Variants in EMC1 observed in about 807,000 individuals in gnomAD.
EMC1 encodes the protein KIAA0090.
EMC1 carries 103 observed loss-of-function variants against 128.8 expected under a neutral mutation model. The ratio of observed to expected loss-of-function variants is 0.80; its 90% CI spans 0.68 to 0.94. The LOEUF is 0.94. Ranked by LOEUF, EMC1 falls within the 40% of genes least tolerant of loss-of-function variation. The pLI, the probability that EMC1 is intolerant of heterozygous loss-of-function variation, is 0.00. For synonymous variants in EMC1, 442 were observed against 490.4 expected, an observed-to-expected ratio of 0.90 and a Z score of 1.30; for missense variants, 1,083 against 1,250.6, an observed-to-expected ratio of 0.87 and a Z score of 2.02.
intron 5 of EMC1, among the ~76,000 whole-genome samples, chr1:19,242,091 T>C (rs1002111343): frequency 4.6e-5 from 7 of 152,076 alleles, no homozygotes; most frequent in African/African-American, 1.7e-4. Flanking sequence ...AGCGAGTGAG[T>C]GGCTCCCGTA....
chr1:19,245,956 G>A (rs531362140), intron 1 of EMC1, among the ~76,000 whole-genome samples: 1 of 152,022 alleles, frequency 6.6e-6, no homozygotes, highest in East Asian at 2.0e-4. Flanking sequence ...ACAGCACAGA[G>A]CAAGCACCTC....
rs552963271 is a variant in EMC1 at position 19,224,672 on chromosome 1, A to C, written c.2203-1103T>G. Among the ~76,000 whole-genome samples the C allele has an allele frequency of 5.3e-5, 8 of 152,194 alleles. No individual in the cohort carries two copies. In the South Asian group the frequency reaches 1.2e-3, roughly 24 times the overall value. Reference sequence around the variant, plus strand: ...TTTCCTCCTCACCCCTCTACAGTCTAATCTAGGTCAAATGAGCCTGTGGAA... The same window carrying C: ...TTTCCTCCTCACCCCTCTACAGTCTCATCTAGGTCAAATGAGCCTGTGGAA... On this transcript the variant is annotated intron_variant, in intron 18 of 22. Coordinates refer to ENST00000477853, the MANE Select transcript of EMC1 (RefSeq NM_015047.3).
rs961077360 is a variant in EMC1, at chr1:19,251,336, G to A, written c.95+79C>T. On this transcript the variant is annotated intron_variant, in intron 1 of 22. Coordinates refer to ENST00000477853, the MANE Select transcript of EMC1 (RefSeq NM_015047.3). ...CAAATTATGCGGCCAATCCTGTTAA[G>A]TGACAACCTTTAGCAGGTAGGAGAC... The A allele has an allele frequency of 2.4e-5, 32 of 1,333,506 alleles. No homozygotes were observed. The African/African-American group carries it at 3.9e-4, about 16-fold the overall frequency. 82.6% of individuals were successfully genotyped at this position (1,333,506 alleles called of 1,614,324 possible).
In EMC1 at chr1:19,245,001, A is replaced by G; in HGVS notation, c.125T>C (p.Phe42Ser). The G allele has an allele frequency of 6.2e-7, 1 of 1,613,992 alleles. No individual in the cohort carries two copies. The highest frequency in any genetic ancestry group is 1.1e-5 in the South Asian group (1 of 91,076). The part of the protein sequence containing the change: ...WRQQYVGKVK[F>S]ASLEFSPGSK... ...TCCAGGGGAAAATTCCAAGGAGGCAAACTTGACCTTCCCAACATATTGCTG... is the reference window on the plus strand; with the variant it reads ...TCCAGGGGAAAATTCCAAGGAGGCAGACTTGACCTTCCCAACATATTGCTG... The change falls in exon 2 of 23, where the codon TTT (phenylalanine) becomes TCT (serine). Residue 42 changes from phenylalanine (F) to serine (S), a missense_variant. This residue lies in a region of EMC1 where 544 missense variants were observed against 572.4 expected (regional missense o/e 0.95). Transcript: ENST00000477853.
Position 19,231,318 on chromosome 1 carries a change from G to A in EMC1, c.1887C>T (p.Leu629=), listed in dbSNP as rs2151947855. Residue 629 remains leucine (L), a synonymous_variant, in exon 16 of 23, where the codon CTC becomes CTT. Transcript: ENST00000477853. ...TGGCGTAGTCTTGATCCATGACTGGGAGAAGCAAGGACTGCAAGATGGGGC... is the reference window on the plus strand; with the variant it reads ...TGGCGTAGTCTTGATCCATGACTGGAAGAAGCAAGGACTGCAAGATGGGGC... ...LKRPILQSLL[L]PVMDQDYAKV... 1 of 1,611,016 alleles carries A rather than the reference G, an allele frequency of 6.2e-7. No individual in the cohort carries two copies. Among genetic ancestry groups the A allele is most frequent in the Non-Finnish European group, 8.5e-7 (1 of 1,179,308 alleles).
intron 20 of EMC1, 51 bp downstream of exon 20, chr1:19,222,573 T>C (rs1457458517): frequency 6.6e-7 from 1 of 1,515,152 alleles, no homozygotes; most frequent in Non-Finnish European, 9.1e-7. Flanking sequence ...TGTCCTTAAG[T>C]GTGGTTGCCC....
chr1:19,243,803 A>G, intron 3 of EMC1, 96 bp from the exon 4 acceptor site: 2 of 1,437,082 alleles, frequency 1.4e-6, no homozygotes, highest in Non-Finnish European at 2.0e-6. Context: ...TGATTTCTGG[A>G]TGCAAATACA....
In EMC1 at chr1:19,239,949, G is replaced by A. The variant is rs149183157; in HGVS notation, c.823C>T (p.Arg275Trp). 46 of 1,613,318 alleles carry A rather than the reference G, an allele frequency of 2.9e-5. No individual in the cohort carries two copies. The Middle Eastern group carries it at 6.6e-4, about 23-fold the overall frequency. ...DLEFGSGFQP[R>W]VLPTQPNPVD... ...GGGTTGGGCTGGGTAGGCAGGACCC[G>A]GGGTTGGAATCCACTTCCAAATTCT... The change falls in exon 8 of 23, where the codon CGG becomes TGG. Residue 275 changes from arginine to tryptophan, a missense_variant. Arg to Trp is a moderately radical substitution (Grantham distance 101). This residue lies in a region of EMC1 where 544 missense variants were observed against 572.4 expected (regional missense o/e 0.95). Transcript: ENST00000477853.
At chr1:19,232,238 A>T (rs1189342325) in intron 15 of EMC1, among the ~76,000 whole-genome samples, 1 of 152,224 alleles carries the variant, frequency 6.6e-6, no homozygotes, top group African/African-American at 2.4e-5. Context: ...CCGTTCCAGG[A>T]AAGTGTCTAC....
At chr1:19,246,838 G>A (rs2093634070) in intron 1 of EMC1, among the ~76,000 whole-genome samples, 1 of 152,048 alleles carries the variant, frequency 6.6e-6, no homozygotes, top group South Asian at 2.1e-4. Context: ...TCACTCTTCT[G>A]GATTGAATTG....
intron 13 of EMC1, among the ~76,000 whole-genome samples, chr1:19,234,499 T>G (rs1457082209): frequency 6.6e-6 from 1 of 152,122 alleles, no homozygotes; most frequent in East Asian, 1.9e-4. Flanking sequence ...GAGTATAAGG[T>G]GCCTGGCAAA....
intron 21 of EMC1, chr1:19,219,966 C>T: frequency 2.3e-6 from 1 of 428,992 alleles, no homozygotes; most frequent in South Asian, 3.3e-5. Flanking sequence ...ACTGGCACTT[C>T]ACACCACAAG....
At chr1:19,226,820 C>G (rs2093477950) in intron 18 of EMC1, among the ~76,000 whole-genome samples, 1 of 152,020 alleles carries the variant, frequency 6.6e-6, no homozygotes, top group Non-Finnish European at 1.5e-5. Flanking sequence ...GTAATCCACC[C>G]ACCTCGACCT....
chr1:19,238,416 G>A (rs2093582390), intron 10 of EMC1, among the ~76,000 whole-genome samples: 1 of 152,186 alleles, frequency 6.6e-6, no homozygotes, highest in South Asian at 2.1e-4. Context: ...AGCAAGGTAA[G>A]ACTGAGCAAG....
At chr1:19,250,447 C>A (rs2093653414) in intron 1 of EMC1, among the ~76,000 whole-genome samples, 1 of 152,080 alleles carries the variant, frequency 6.6e-6, no homozygotes, top group Non-Finnish European at 1.5e-5. Context: ...GTGTAACATA[C>A]ACATATGACA....
Position 19,230,979 on chromosome 1 carries a change from G to C in EMC1, c.1945-16C>G. The C allele has an allele frequency of 1.2e-6, 2 of 1,613,236 alleles. No individual in the cohort carries two copies. Among genetic ancestry groups the C allele is most frequent in the Non-Finnish European group, 1.7e-6 (2 of 1,179,820 alleles). ...AAGCTGTGACCTTGAAAAACCCAGA[G>C]AGCCCAAGGAAAGAGTTAGGAAATT... On this transcript the variant is annotated splice_polypyrimidine_tract_variant and intron_variant, in intron 16 of 22. Transcript: ENST00000477853.
Position 19,231,354 on chromosome 1 carries a change from T to G in EMC1, c.1851A>C (p.Pro617=). Residue 617 remains proline (P), a synonymous_variant, in exon 16 of 23, where the codon CCA becomes CCC. Coordinates refer to ENST00000477853, the MANE Select transcript of EMC1 (RefSeq NM_015047.3). ...ACTGCAAGATGGGGCGCTTCAGCAC[T>G]GGGGGAGCTACCTGACTCCACTTCC... ...IFGKWSQVAP[P]VLKRPILQSL... is the part of the protein sequence containing the mutation. 1 of 1,612,786 alleles carries G rather than the reference T, an allele frequency of 6.2e-7. No individual in the cohort carries two copies. Among genetic ancestry groups the G allele is most frequent in the Non-Finnish European group, 8.5e-7 (1 of 1,179,710 alleles).
chr1:19,231,040 A>C, intron 16 of EMC1, 77 bp from the exon 17 acceptor site: 1 of 1,562,102 alleles, frequency 6.4e-7, no homozygotes, highest in African/African-American at 1.4e-5. Context: ...TAAAACTGCA[A>C]ATCAGTTGAT....
chr1:19,243,375 T>C (rs1366167387), intron 4 of EMC1, among the ~76,000 whole-genome samples: 2 of 152,048 alleles, frequency 1.3e-5, no homozygotes, highest in Admixed American at 6.6e-5. Flanking sequence ...CGAATCACAG[T>C]GAAATTAGGA....
Sources: allele counts gnomAD v4.1 joint callset (sites outside exome capture counted in the v4.1 genomes callset), GRCh38; gene constraint gnomAD v4.1.1; regional missense constraint gnomAD v4.1.1; transcripts MANE v1.5; gene names NCBI Gene and HGNC (gene_info 2026-07-23, HGNC 2026-07-21).